Variants in GRIP1 observed in about 807,000 individuals in gnomAD.
The protein encoded by GRIP1 is glutamate receptor-interacting protein 1.
GRIP1 carries 45 observed loss-of-function variants against 129.9 expected under a neutral mutation model. The observed-to-expected ratio is 0.35, with a 90% CI of 0.27 to 0.44. GRIP1 has a LOEUF of 0.44. Among genes scored for constraint, GRIP1 ranks in the 20% least tolerant of loss-of-function variants. GRIP1 has a pLI of 1.00. For missense variants in GRIP1, 1,196 were observed against 1,396.8 expected, an observed-to-expected ratio of 0.86 and a Z score of 2.29; for synonymous variants, 530 against 520.8, an observed-to-expected ratio of 1.02 and a Z score of -0.24.
chr12:67,044,958 C>T (rs957972155), intron 1 of GRIP1, among the ~76,000 whole-genome samples: 3 of 152,152 alleles, frequency 2.0e-5, no homozygotes, highest in Admixed American at 2.0e-4. Flanking sequence ...TCACTAATCT[C>T]CATTTTACAC....
intron 23 of GRIP1, among the ~76,000 whole-genome samples, chr12:66,369,235 A>T (rs188198040): frequency 1.1e-4 from 16 of 151,760 alleles, no homozygotes; most frequent in African/African-American, 3.4e-4. Context: ...TGATCTCAGG[A>T]TCTTACAGTT....
chr12:66,470,276 C>T (rs774345536), intron 7 of GRIP1, among the ~76,000 whole-genome samples: 33 of 152,180 alleles, frequency 2.2e-4, no homozygotes, highest in Non-Finnish European at 4.6e-4. Context: ...GCTTCCTTCA[C>T]CAGTTTTGTC....
chr12:66,622,878 T>C (rs1301135159), intron 1 of GRIP1, among the ~76,000 whole-genome samples: 1 of 152,154 alleles, frequency 6.6e-6, no homozygotes, highest in Non-Finnish European at 1.5e-5. Context: ...ATTCATGCAG[T>C]GAAAGGGTTG....
intron 7 of GRIP1, among the ~76,000 whole-genome samples, chr12:66,503,721 G>C (rs2060452362): frequency 6.6e-6 from 1 of 152,154 alleles, no homozygotes; most frequent in South Asian, 2.1e-4. Context: ...CCCCTGAGCT[G>C]AAAGAAACAA....
intron 9 of GRIP1, among the ~76,000 whole-genome samples, chr12:66,458,131 T>G (rs940613224): frequency 1.3e-4 from 20 of 152,178 alleles, no homozygotes; most frequent in Admixed American, 1.2e-3. Context: ...CAGCAGAAAC[T>G]TTCATAGCCA....
At chr12:66,930,310 T>C (rs920161317) in intron 1 of GRIP1, among the ~76,000 whole-genome samples, 3 of 133,594 alleles carry the variant, frequency 2.2e-5, no homozygotes, top group African/African-American at 8.3e-5. Flanking sequence ...CCTGTGTCCA[T>C]GTGTTCTCAT....
intron 13 of GRIP1, among the ~76,000 whole-genome samples, chr12:66,438,808 T>C (rs2058388667): frequency 6.6e-6 from 1 of 152,110 alleles, no homozygotes; most frequent in Non-Finnish European, 1.5e-5. Flanking sequence ...ATTCACTGAG[T>C]ACTGACCAAA....
intron 5 of GRIP1, among the ~76,000 whole-genome samples, chr12:66,527,304 A>T (rs983805465): frequency 1.3e-5 from 2 of 151,884 alleles, no homozygotes; most frequent in Non-Finnish European, 2.9e-5. Context: ...AGACTGGATT[A>T]AGAAAATGTG....
chr12:66,824,000 G>A (rs1458014847), intron 1 of GRIP1, among the ~76,000 whole-genome samples: 1 of 152,124 alleles, frequency 6.6e-6, no homozygotes, highest in Non-Finnish European at 1.5e-5. Flanking sequence ...TCCTTTCCAG[G>A]AGAGTACACA....
chr12:66,405,799 C>T (rs907705539), intron 16 of GRIP1, among the ~76,000 whole-genome samples: 1 of 151,746 alleles, frequency 6.6e-6, no homozygotes, highest in Non-Finnish European at 1.5e-5. Context: ...GTACTATTTA[C>T]AATAATGAAA....
intron 1 of GRIP1, among the ~76,000 whole-genome samples, chr12:67,040,200 C>T (rs2043155240): frequency 6.7e-6 from 1 of 148,172 alleles, no homozygotes; most frequent in East Asian, 2.1e-4. Flanking sequence ...CCTGCAGATC[C>T]CTCACACTAC....
chr12:66,811,206 A>T (rs2039095793), intron 1 of GRIP1, among the ~76,000 whole-genome samples: 1 of 152,188 alleles, frequency 6.6e-6, no homozygotes, highest in African/African-American at 2.4e-5. Context: ...CTTTTTTTCT[A>T]CCATATAGAA....
chr12:66,398,422 T>G (rs1184481848), intron 16 of GRIP1, among the ~76,000 whole-genome samples: 1 of 151,956 alleles, frequency 6.6e-6, no homozygotes, highest in Non-Finnish European at 1.5e-5. Context: ...ATTCCTTAAA[T>G]AGCACTTTTC....
intron 1 of GRIP1, among the ~76,000 whole-genome samples, chr12:67,055,372 C>T (rs1233644833): frequency 1.4e-5 from 2 of 145,810 alleles, no homozygotes; most frequent in African/African-American, 5.7e-5. Context: ...TTAGGCTTCA[C>T]AGCAGTGAAG....
chr12:66,730,133 T>C (rs1250098718), intron 1 of GRIP1, among the ~76,000 whole-genome samples: 1 of 152,222 alleles, frequency 6.6e-6, no homozygotes, highest in Non-Finnish European at 1.5e-5. Context: ...GTAAAATGAC[T>C]GAACTATGAA....
intron 19 of GRIP1, among the ~76,000 whole-genome samples, chr12:66,388,705 G>C (rs73121674): frequency 1.6e-4 from 25 of 152,304 alleles, no homozygotes; most frequent in Non-Finnish European, 3.2e-4. Context: ...AGCCCCTTGT[G>C]GGACTTCCTT....
chr12:66,654,998 T>C (rs1319706398), intron 1 of GRIP1, among the ~76,000 whole-genome samples: 2 of 152,242 alleles, frequency 1.3e-5, no homozygotes, highest in South Asian at 4.1e-4. Flanking sequence ...CTTTAAAGTA[T>C]TGTACGCAGG....
chr12:66,796,236 T>C (rs2038694036), intron 1 of GRIP1, among the ~76,000 whole-genome samples: 1 of 152,052 alleles, frequency 6.6e-6, no homozygotes, highest in African/African-American at 2.4e-5. Flanking sequence ...TAGTGACATA[T>C]TGCAAAAAGA....
chr12:66,773,025 A>T (rs2093173711), intron 1 of GRIP1, among the ~76,000 whole-genome samples: 1 of 152,186 alleles, frequency 6.6e-6, no homozygotes, highest in Non-Finnish European at 1.5e-5. Flanking sequence ...TTGTCTGTTA[A>T]GGAAATTCAA....
Sources: allele counts gnomAD v4.1 joint callset (sites outside exome capture counted in the v4.1 genomes callset), GRCh38; gene constraint gnomAD v4.1.1; transcripts MANE v1.5; gene names NCBI Gene and HGNC (gene_info 2026-07-23, HGNC 2026-07-21).